HYAL4: variants seen among roughly 807,000 people sequenced by gnomAD.
HYAL4 encodes the protein hyaluronidase 4, also known as hyaluronidase-4.
Under a neutral mutation model 35.2 loss-of-function variants are expected in HYAL4, and 37 were observed. The observed-to-expected ratio is 1.05, with a 90% CI of 0.81 to 1.38. The LOEUF is 1.38. Among genes scored for constraint, HYAL4 ranks in the 40% most tolerant of loss-of-function variants. HYAL4 has a pLI of 0.00. For synonymous variants in HYAL4, 198 were observed against 203.2 expected, an observed-to-expected ratio of 0.97 and a Z score of 0.22; for missense variants, 572 against 572.4, an observed-to-expected ratio of 1.00 and a Z score of 0.01.
the HYAL4 span, among the ~76,000 whole-genome samples, chr7:123,821,923 C>A: frequency 6.6e-6 from 1 of 152,114 alleles, no homozygotes; most frequent in Non-Finnish European, 1.5e-5. Flanking sequence ...CTGTTGTGTT[C>A]TTGGCACTCT....
the HYAL4 span, among the ~76,000 whole-genome samples, chr7:123,788,876 A>G: frequency 2.0e-5 from 3 of 152,164 alleles, no homozygotes; most frequent in Admixed American, 6.5e-5. Context: ...TTGTAAGCCA[A>G]TTTTCAAGCC....
the HYAL4 span, among the ~76,000 whole-genome samples, chr7:123,786,071 A>T: frequency 6.6e-6 from 1 of 152,158 alleles, no homozygotes; most frequent in Non-Finnish European, 1.5e-5. Context: ...AAGGTCCAAA[A>T]TGCAGGCCAT....
intron 3 of HYAL4, among the ~76,000 whole-genome samples, chr7:123,872,690 G>A (rs929001872): frequency 6.6e-6 from 1 of 152,156 alleles, no homozygotes; most frequent in African/African-American, 2.4e-5. Flanking sequence ...GCTTTCAGGT[G>A]GTCCCAATCT....
At chr7:123,801,628 T>G in the HYAL4 span, among the ~76,000 whole-genome samples, 1 of 152,270 alleles carries the variant, frequency 6.6e-6, no homozygotes, top group Non-Finnish European at 1.5e-5. Flanking sequence ...GTATCTTATT[T>G]ATTTGATTTC....
upstream of HYAL4, among the ~76,000 whole-genome samples, chr7:123,844,779 A>C (rs77389831): frequency 8.5e-3 from 1,294 of 152,232 alleles, 19 homozygotes; most frequent in African/African-American, 0.03. Flanking sequence ...CTCACAGTTC[A>C]ATCTCAGACT....
At chr7:123,802,186 A>G in the HYAL4 span, among the ~76,000 whole-genome samples, 1 of 152,186 alleles carries the variant, frequency 6.6e-6, no homozygotes, top group Non-Finnish European at 1.5e-5. Flanking sequence ...AGTTTCTGAT[A>G]TTATATAAAA....
chr7:123,782,531 A>G, the HYAL4 span, among the ~76,000 whole-genome samples: 1 of 152,026 alleles, frequency 6.6e-6, no homozygotes, highest in South Asian at 2.1e-4. Flanking sequence ...TAAAAAAAAA[A>G]CCCTATAAAA....
the HYAL4 span, among the ~76,000 whole-genome samples, chr7:123,823,306 T>G: frequency 6.6e-6 from 1 of 152,210 alleles, no homozygotes. Context: ...AAATCCTACT[T>G]GATCATGGTG....
the HYAL4 span, among the ~76,000 whole-genome samples, chr7:123,805,589 A>T: frequency 6.6e-6 from 1 of 152,188 alleles, no homozygotes; most frequent in Non-Finnish European, 1.5e-5. Flanking sequence ...AACTACTAAC[A>T]ACATAATAAA....
At chr7:123,832,747 T>G (rs1805904937) in intron 1 of HYAL4, among the ~76,000 whole-genome samples, 1 of 151,886 alleles carries the variant, frequency 6.6e-6, no homozygotes, top group South Asian at 2.1e-4. Context: ...ATGATCTGCT[T>G]GCTTCGGCCC....
intron 3 of HYAL4, among the ~76,000 whole-genome samples, chr7:123,874,341 T>TATGA (rs1176422048): frequency 2.6e-5 from 4 of 152,202 alleles, no homozygotes; most frequent in Non-Finnish European, 4.4e-5. Context: ...CTAAGGAGTA[T>TATGA]ATGAGCTCAG....
chr7:123,835,948 A>T (rs1398322878), intron 1 of HYAL4, among the ~76,000 whole-genome samples: 3 of 152,162 alleles, frequency 2.0e-5, no homozygotes, highest in Non-Finnish European at 4.4e-5. Flanking sequence ...ACTACTTGAT[A>T]TGATTTCAAT....
chr7:123,778,147 A>ATCTG, the HYAL4 span, among the ~76,000 whole-genome samples: 2,253 of 142,128 alleles, frequency 0.016, 28 homozygotes, highest in Non-Finnish European at 0.018. Flanking sequence ...CCATCTTTCT[A>ATCTG]TCTGTCTGTC....
the HYAL4 span, among the ~76,000 whole-genome samples, chr7:123,796,965 G>C: frequency 6.6e-6 from 1 of 152,030 alleles, no homozygotes; most frequent in African/African-American, 2.4e-5. Flanking sequence ...GGGGAAACAA[G>C]ATCTCAAAAA....
At chr7:123,875,056 T>C (rs572236009) in intron 4 of HYAL4, among the ~76,000 whole-genome samples, 3 of 152,344 alleles carry the variant, frequency 2.0e-5, no homozygotes, top group African/African-American at 7.2e-5. Context: ...ATATTTATGA[T>C]GCGCTAAGGT....
the HYAL4 span, among the ~76,000 whole-genome samples, chr7:123,777,324 A>T: frequency 1.3e-5 from 2 of 152,088 alleles, no homozygotes; most frequent in Non-Finnish European, 2.9e-5. Context: ...TCCTTTTTAT[A>T]TTGATAACAT....
the HYAL4 span, among the ~76,000 whole-genome samples, chr7:123,779,808 A>G: frequency 6.6e-6 from 1 of 152,182 alleles, no homozygotes; most frequent in Non-Finnish European, 1.5e-5. Context: ...TTTCTTCTGT[A>G]GAGTTCAAAC....
At chr7:123,781,649 A>G in the HYAL4 span, among the ~76,000 whole-genome samples, 191 of 152,332 alleles carry the variant, frequency 1.3e-3, no homozygotes, top group Non-Finnish European at 2.2e-3. Flanking sequence ...ATGATGGGCT[A>G]TATGTATAAA....
At chr7:123,796,410 A>G in the HYAL4 span, among the ~76,000 whole-genome samples, 65 of 152,222 alleles carry the variant, frequency 4.3e-4, no homozygotes, top group Non-Finnish European at 1.3e-4. Context: ...TTCAAGTTGT[A>G]ATTATTTAAT....
Sources: allele counts gnomAD v4.1 joint callset (sites outside exome capture counted in the v4.1 genomes callset), GRCh38; gene constraint gnomAD v4.1.1; transcripts MANE v1.5; gene names NCBI Gene and HGNC (gene_info 2026-07-23, HGNC 2026-07-21).